ARID1B: variants seen among roughly 807,000 people sequenced by gnomAD.
ARID1B encodes AT-rich interaction domain 1B.
A neutral mutation model predicts 212.3 loss-of-function variants in ARID1B; 30 were observed. The observed-to-expected ratio is 0.14, with a 90% confidence interval of 0.11 to 0.19. The LOEUF (loss-of-function observed/expected upper bound fraction) is 0.19. ARID1B is among the 10% of genes least tolerant of loss of function. ARID1B has a pLI of 1.00. For synonymous variants in ARID1B, 1,402 were observed against 1,301.7 expected, an observed-to-expected ratio of 1.08 and a Z score of -1.66; for missense variants, 2,891 against 3,204.0, an observed-to-expected ratio of 0.90 and a Z score of 2.36.
chr6:156,983,162 T>A (rs545299895), intron 4 of ARID1B, among the ~76,000 whole-genome samples: 1 of 151,402 alleles, frequency 6.6e-6, no homozygotes, highest in Non-Finnish European at 1.5e-5. Flanking sequence ...CAGCATAGGC[T>A]GAGATGGGTG....
intron 3 of ARID1B, among the ~76,000 whole-genome samples, chr6:156,920,589 T>G (rs560003472): frequency 6.6e-6 from 1 of 152,218 alleles, no homozygotes; most frequent in Non-Finnish European, 1.5e-5. Flanking sequence ...TCTTCAGATG[T>G]TTGAAATGTA....
At chr6:157,063,912 A>G (rs1783509752) in intron 4 of ARID1B, among the ~76,000 whole-genome samples, 1 of 152,260 alleles carries the variant, frequency 6.6e-6, no homozygotes, top group Admixed American at 6.5e-5. Context: ...GACCCATCTC[A>G]GATGAAGACT....
intron 4 of ARID1B, among the ~76,000 whole-genome samples, chr6:156,975,760 C>T (rs928536707): frequency 2.6e-5 from 4 of 152,036 alleles, no homozygotes; most frequent in African/African-American, 9.6e-5. Context: ...TCCTCTTCCC[C>T]CCATCTTTCC....
At chr6:156,814,572 A>T (rs1781830070) in intron 1 of ARID1B, among the ~76,000 whole-genome samples, 1 of 152,192 alleles carries the variant, frequency 6.6e-6, no homozygotes, top group South Asian at 2.1e-4. Context: ...GCCTTTGAAA[A>T]CAAATTGGCT....
chr6:157,155,948 G>A (rs891681856), intron 8 of ARID1B, among the ~76,000 whole-genome samples: 3 of 152,146 alleles, frequency 2.0e-5, no homozygotes, highest in Admixed American at 6.5e-5. Context: ...TTATTGAGGT[G>A]TATCTATAAT....
chr6:157,163,111 T>C (rs1032929039), intron 8 of ARID1B, among the ~76,000 whole-genome samples: 4 of 152,318 alleles, frequency 2.6e-5, no homozygotes, highest in Admixed American at 2.6e-4. Context: ...AAAAAGCAAC[T>C]GATTTACTTC....
At chr6:157,129,129 G>T (rs962924225) in intron 6 of ARID1B, among the ~76,000 whole-genome samples, 3 of 152,188 alleles carry the variant, frequency 2.0e-5, no homozygotes, top group Non-Finnish European at 4.4e-5. Context: ...ACATTATAAT[G>T]TCTTAACTTT....
chr6:157,097,785 T>C (rs931022623), intron 5 of ARID1B, among the ~76,000 whole-genome samples: 2 of 152,192 alleles, frequency 1.3e-5, no homozygotes, highest in Non-Finnish European at 2.9e-5. Flanking sequence ...GGTGGACAAA[T>C]TGGCAACCCT....
intron 3 of ARID1B, among the ~76,000 whole-genome samples, chr6:156,904,520 G>T (rs287941): frequency 0.13 from 19,180 of 152,250 alleles, 1,601 homozygotes; most frequent in Non-Finnish European, 0.19. Flanking sequence ...CTGGGCAAAG[G>T]GTGTGTGCAT....
chr6:156,863,960 G>A (rs1277412174), intron 2 of ARID1B, among the ~76,000 whole-genome samples: 2 of 152,116 alleles, frequency 1.3e-5, no homozygotes, highest in Admixed American at 6.5e-5. Flanking sequence ...CGAACATTCC[G>A]TTTCCAGACT....
At chr6:157,134,859 G>C (rs1450509615) in intron 7 of ARID1B, among the ~76,000 whole-genome samples, 2 of 152,190 alleles carry the variant, frequency 1.3e-5, no homozygotes, top group Non-Finnish European at 2.9e-5. Flanking sequence ...CTTGTTCTCA[G>C]AATTGGGTGT....
At chr6:156,972,817 T>C (rs1777015950) in intron 4 of ARID1B, among the ~76,000 whole-genome samples, 1 of 152,182 alleles carries the variant, frequency 6.6e-6, no homozygotes, top group Non-Finnish European at 1.5e-5. Flanking sequence ...ACCAAAAAGG[T>C]GGTCACTTTT....
intron 2 of ARID1B, chr6:156,870,510 C>G (rs1014998067): frequency 6.6e-6 from 1 of 152,148 alleles, no homozygotes; most frequent in African/African-American, 2.4e-5. Flanking sequence ...TGCCATTGAA[C>G]AAATTATTTA....
chr6:157,049,877 T>G (rs111517345), intron 4 of ARID1B, among the ~76,000 whole-genome samples: 21 of 152,356 alleles, frequency 1.4e-4, no homozygotes, highest in African/African-American at 4.8e-4. Context: ...ATTTAAGTTT[T>G]AATCTCCTCA....
intron 4 of ARID1B, among the ~76,000 whole-genome samples, chr6:157,039,316 A>G (rs1781542091): frequency 7.5e-6 from 1 of 132,504 alleles, no homozygotes; most frequent in Non-Finnish European, 1.6e-5. Flanking sequence ...GGGAAATTTG[A>G]CATTTCTTTT....
intron 1 of ARID1B, among the ~76,000 whole-genome samples, chr6:156,801,966 A>T (rs1275921956): frequency 6.6e-6 from 1 of 152,242 alleles, no homozygotes; most frequent in East Asian, 1.9e-4. Context: ...TTCATAGCAA[A>T]TGAGGCGTGA....
chr6:156,836,432 C>T (rs1348432740), intron 2 of ARID1B, among the ~76,000 whole-genome samples: 1 of 152,068 alleles, frequency 6.6e-6, no homozygotes, highest in Non-Finnish European at 1.5e-5. Context: ...GTTCTTGGCC[C>T]ACTCGGTGAA....
At chr6:156,947,622 T>C (rs1793252883) in intron 4 of ARID1B, among the ~76,000 whole-genome samples, 1 of 146,280 alleles carries the variant, frequency 6.8e-6, no homozygotes, top group African/African-American at 2.5e-5. Context: ...CTCTGAACTC[T>C]GAAGGGCTAA....
intron 4 of ARID1B, among the ~76,000 whole-genome samples, chr6:156,951,952 A>G (rs901282073): frequency 5.9e-5 from 9 of 152,216 alleles, no homozygotes; most frequent in Admixed American, 6.5e-5. Flanking sequence ...TGATTGAATA[A>G]TTATCTGTTT....
Sources: gnomAD v4.1 joint callset for allele counts (sites outside exome capture counted in the v4.1 genomes callset) on GRCh38, gnomAD v4.1.1 for gene constraint, MANE v1.5 for transcripts, NCBI Gene and HGNC (gene_info 2026-07-23, HGNC 2026-07-21) for gene names.